ARHGAP23: variants seen among roughly 807,000 people sequenced by gnomAD.
ARHGAP23 encodes the protein rho GTPase-activating protein 23.
Under a neutral mutation model 136.3 loss-of-function variants are expected in ARHGAP23, and 34 were observed. The observed-to-expected ratio is 0.25, with a 90% CI of 0.19 to 0.33. The LOEUF is 0.33. Ranked by LOEUF, ARHGAP23 falls within the 10% of genes least tolerant of loss-of-function variation. The pLI, the probability that ARHGAP23 is intolerant of heterozygous loss-of-function variation, is 1.00. For synonymous variants in ARHGAP23, 832 were observed against 920.5 expected (o/e 0.90, Z 1.74); for missense variants, 1,808 against 2,139.0 (o/e 0.85, Z 3.05).
In ARHGAP23 at chr17:38,466,728, G is replaced by A. The variant is rs1189209434; in HGVS notation, c.1045G>A (p.Ala349Thr). The A allele has an allele frequency of 5.2e-6, 8 of 1,543,928 alleles. No homozygotes were observed. The highest frequency in any genetic ancestry group is 7.0e-6 in the Non-Finnish European group (8 of 1,143,940). ...GCTGGGCCAGGAGGGCTGGCACCGA[G>A]CTCGCTCAGATGACTACTTGAGCCG... ...SQLGQEGWHR[A>T]RSDDYLSRAT... is the part of the protein sequence containing the mutation. Residue 349 changes from alanine to threonine, a missense_variant, in exon 7 of 24, where the codon GCT becomes ACT. Coordinates refer to ENST00000622683, the MANE Select transcript of ARHGAP23 (RefSeq NM_001199417.2).
At chr17:38,424,786 T>C (rs117281918), upstream of ARHGAP23, among the ~76,000 whole-genome samples, 5,209 of 152,326 alleles carry the variant, frequency 0.034, 126 homozygotes, top group Non-Finnish European at 0.055. Context: ...TTGAGTTCTC[T>C]GGGCCTCATT....
At chr17:38,459,389 C>T (rs79612127) in intron 2 of ARHGAP23, among the ~76,000 whole-genome samples, 2,268 of 152,318 alleles carry the variant, frequency 0.015, 51 homozygotes, top group African/African-American at 0.051. Flanking sequence ...ACATGCATGC[C>T]GGAAGCTCTG....
Position 38,510,731 on chromosome 17 carries a change from G to C in ARHGAP23, c.4235G>C (p.Ser1412Thr). ...SWRRHTVVVQ[S>T]PLTDLNFNEW... ...CGCCGCCACACCGTGGTGGTGCAGA[G>C]CCCGCTGACTGACCTCAACTTCAAC... Residue 1412 changes from serine (S) to threonine (T), a missense_variant, in exon 24 of 24, where the codon AGC becomes ACC. Ser to Thr is a moderately conservative substitution (Grantham distance 58). This residue lies in a region of ARHGAP23 where 506 missense variants were observed against 455.8 expected (regional missense o/e 1.11). Coordinates refer to ENST00000622683, the MANE Select transcript of ARHGAP23 (RefSeq NM_001199417.2). This position sits in a 1 kb window ranked among gnomAD's most constrained non-coding sequence, Gnocchi z 4.6. 1 of 1,478,360 alleles carries C rather than the reference G, an allele frequency of 6.8e-7. No homozygotes were observed. Among genetic ancestry groups the C allele is most frequent in the South Asian group, 1.3e-5 (1 of 76,858 alleles). The allele number at this position is 1,478,360 out of a possible 1,614,324, so 91.6% of individuals were successfully genotyped here. A position where few individuals can be genotyped will look rare whatever the true frequency, so the allele number is the denominator to read the frequency against.
At chr17:38,467,377 C>T (rs1280110204) in intron 7 of ARHGAP23, 46 bp downstream of exon 7, 1 of 1,445,524 alleles carries the variant, frequency 6.9e-7, no homozygotes, top group South Asian at 1.5e-5. Flanking sequence ...TAGCTGTCGG[C>T]TGTCTGTGTC....
chr17:38,471,534 G>A (rs1188653297), intron 10 of ARHGAP23, among the ~76,000 whole-genome samples: 2 of 152,102 alleles, frequency 1.3e-5, no homozygotes, highest in South Asian at 2.1e-4. Context: ...TTAACTCCTC[G>A]TTGACACGAT....
intron 1 of ARHGAP23, chr17:38,453,969 G>C (rs1430299501): frequency 1.4e-5 from 2 of 145,518 alleles, no homozygotes. Flanking sequence ...AGCCCCCGCC[G>C]GCCGCGGAGC....
intron 1 of ARHGAP23, among the ~76,000 whole-genome samples, chr17:38,449,645 A>G (rs1567783513): frequency 6.6e-6 from 1 of 152,116 alleles, no homozygotes; most frequent in Non-Finnish European, 1.5e-5. Flanking sequence ...CATGCCTGGG[A>G]TGCACGGATC....
chr17:38,462,984 G>A (rs763963292), intron 4 of ARHGAP23, 43 bp downstream of exon 4: 1 of 1,543,968 alleles, frequency 6.5e-7, no homozygotes, highest in South Asian at 1.2e-5. Context: ...CTACCTTCTG[G>A]CTAGGATTTT....
At chr17:38,425,810 A>G (rs182048256), upstream of ARHGAP23, among the ~76,000 whole-genome samples, 2 of 151,718 alleles carry the variant, frequency 1.3e-5, no homozygotes, top group Admixed American at 1.3e-4. Flanking sequence ...GCTAAAGAAG[A>G]TAGATGAGGT....
At chr17:38,430,150 G>C (rs955554289) in intron 1 of ARHGAP23, among the ~76,000 whole-genome samples, 1 of 152,082 alleles carries the variant, frequency 6.6e-6, no homozygotes, top group African/African-American at 2.4e-5. Context: ...GGATTCAAAG[G>C]CCTCAATAAT....
chr17:38,484,507 G>A (rs984661894), intron 16 of ARHGAP23, among the ~76,000 whole-genome samples: 5 of 152,118 alleles, frequency 3.3e-5, no homozygotes, highest in African/African-American at 1.2e-4. Flanking sequence ...GAACAGCAGG[G>A]GCCACGCTCT....
chr17:38,426,436 G>C (rs2038570099), upstream of ARHGAP23, among the ~76,000 whole-genome samples: 5 of 151,442 alleles, frequency 3.3e-5, no homozygotes, highest in South Asian at 2.1e-4. Flanking sequence ...TGTAATCCCA[G>C]CTACTTGGGA....
intron 16 of ARHGAP23, among the ~76,000 whole-genome samples, chr17:38,483,094 T>C (rs1343761912): frequency 6.6e-6 from 1 of 152,124 alleles, no homozygotes; most frequent in African/African-American, 2.4e-5. Context: ...AGAGGGTAAA[T>C]ATTTTCTGCT....
chr17:38,490,893 A>G (rs1378593335), intron 19 of ARHGAP23, among the ~76,000 whole-genome samples: 1 of 152,034 alleles, frequency 6.6e-6, no homozygotes, highest in Non-Finnish European at 1.5e-5. Flanking sequence ...AAATGAGGGG[A>G]GTGATAGGAT....
chr17:38,434,215 C>T (rs1426156451), intron 1 of ARHGAP23, among the ~76,000 whole-genome samples: 1 of 152,158 alleles, frequency 6.6e-6, no homozygotes, highest in African/African-American at 2.4e-5. Context: ...GCCAACCCCC[C>T]AGCTTCTCCT....
In ARHGAP23 at chr17:38,464,529, T is replaced by C. The variant is rs2039537254; in HGVS notation, c.483+1147T>C. On this transcript the variant is annotated intron_variant, in intron 6 of 23. Coordinates refer to ENST00000622683, the MANE Select transcript of ARHGAP23 (RefSeq NM_001199417.2). Reference sequence around the variant, plus strand: ...TGCCATGCCTGGCATGATGCCCTTCTGGAAACCTCCACCCCTGACCTCGAT... The same window carrying C: ...TGCCATGCCTGGCATGATGCCCTTCCGGAAACCTCCACCCCTGACCTCGAT... 2.0e-5 allele frequency among the ~76,000 whole-genome samples: 3 copies of C among 152,212 alleles called. No individual in the cohort carries two copies. The South Asian group carries it at 6.2e-4, about 31-fold the overall frequency.
rs576446894 is a variant in ARHGAP23, at chr17:38,481,737, C to T, written c.2630-285C>T. Among the ~76,000 whole-genome samples, 5 of 152,264 alleles carry T rather than the reference C, an allele frequency of 3.3e-5. No individual in the cohort carries two copies. In the East Asian group the frequency reaches 9.6e-4, roughly 29 times the overall value. ...TCATACCACTGCACTACAGCCTGAGCGACAGAGACTCTATCTCTAAAGAAA... is the reference window on the plus strand; with the variant it reads ...TCATACCACTGCACTACAGCCTGAGTGACAGAGACTCTATCTCTAAAGAAA... On this transcript the variant is annotated intron_variant, in intron 14 of 23. Transcript: ENST00000622683.
At chr17:38,471,433 G>C (rs1050614003) in intron 10 of ARHGAP23, among the ~76,000 whole-genome samples, 56 of 152,322 alleles carry the variant, frequency 3.7e-4, no homozygotes, top group African/African-American at 1.3e-3. Context: ...GTCCTGTTGA[G>C]ACTGTCACTT....
chr17:38,468,904 C>G (rs1265269144), intron 7 of ARHGAP23, among the ~76,000 whole-genome samples: 2 of 152,176 alleles, frequency 1.3e-5, no homozygotes, highest in Non-Finnish European at 2.9e-5. Flanking sequence ...AATATTGGCT[C>G]TGTCCTCTGG....
Sources: gnomAD v4.1 joint callset for allele counts (sites outside exome capture counted in the v4.1 genomes callset) on GRCh38, gnomAD v4.1.1 for gene constraint, gnomAD v4.1.1 regional missense constraint, Gnocchi (gnomAD v3.1) non-coding constraint, MANE v1.5 for transcripts, NCBI Gene and HGNC (gene_info 2026-07-23, HGNC 2026-07-21) for gene names.